TBC1D8: variants seen among roughly 807,000 people sequenced by gnomAD.
TBC1D8 encodes TBC1 domain family member 8, also known as BUB2-like protein 1.
TBC1D8 carries 65 observed loss-of-function variants against 118.8 expected under a neutral mutation model. The ratio of observed to expected loss-of-function variants is 0.55; its 90% CI spans 0.45 to 0.67. The LOEUF is 0.67. Ranked by LOEUF, TBC1D8 falls within the 30% of genes least tolerant of loss-of-function variation. The pLI, the probability that TBC1D8 is intolerant of heterozygous loss-of-function variation, is 0.00. For missense variants in TBC1D8, 1,376 were observed against 1,471.2 expected (o/e 0.94, Z 1.06); for synonymous variants, 566 against 595.8 (o/e 0.95, Z 0.73).
chr2:101,018,384 A>C, intron 17 of TBC1D8: 1 of 157,572 alleles, frequency 6.3e-6, no homozygotes, highest in Non-Finnish European at 1.4e-5. Context: ...GCCAATAATT[A>C]CCCTTAACCA....
At chr2:101,011,288 A>C (rs905134486) in intron 18 of TBC1D8, 163 bp downstream of exon 18, 26 of 764,772 alleles carry the variant, frequency 3.4e-5, no homozygotes, top group African/African-American at 5.3e-5. Flanking sequence ...CAACACCCCC[A>C]CTAGGAGCAC....
intron 1 of TBC1D8, among the ~76,000 whole-genome samples, chr2:101,124,937 A>C (rs1217391897): frequency 6.6e-6 from 1 of 152,204 alleles, no homozygotes; most frequent in Non-Finnish European, 1.5e-5. Context: ...TTACCTTCCC[A>C]TGTGCCTTAG....
At chr2:101,068,770 AGG>A (rs949817153) in intron 2 of TBC1D8, 2 of 230,644 alleles carry the variant, frequency 8.7e-6, no homozygotes, top group African/African-American at 2.3e-5. Flanking sequence ...AGGCCAACGC[AGG>A]GAGATCACCT....
chr2:101,023,093 C>T (rs1476280098), intron 15 of TBC1D8, among the ~76,000 whole-genome samples: 2 of 148,076 alleles, frequency 1.4e-5, no homozygotes, highest in African/African-American at 2.5e-5. Flanking sequence ...TGCAGTGAGC[C>T]GAGATCGCGC....
chr2:101,132,201 A>G (rs1192638397), intron 1 of TBC1D8, among the ~76,000 whole-genome samples: 1 of 152,046 alleles, frequency 6.6e-6, no homozygotes, highest in East Asian at 1.9e-4. Context: ...TTCTTTTTCT[A>G]TTTCTTCCTC....
chr2:101,048,363 C>CA (rs1316229689), intron 5 of TBC1D8, among the ~76,000 whole-genome samples: 1 of 152,138 alleles, frequency 6.6e-6, no homozygotes, highest in Non-Finnish European at 1.5e-5. Flanking sequence ...GAGAGACCAT[C>CA]ATGGGGAGCC....
chr2:101,092,885 T>C (rs1676132712), intron 1 of TBC1D8, among the ~76,000 whole-genome samples: 1 of 152,100 alleles, frequency 6.6e-6, no homozygotes, highest in African/African-American at 2.4e-5. Flanking sequence ...CCAGGAAATA[T>C]ATGTCTGTAC....
chr2:101,040,061 T>TA (rs759605008), intron 6 of TBC1D8, 117 bp downstream of exon 6: 14 of 1,200,828 alleles, frequency 1.2e-5, no homozygotes, highest in Non-Finnish European at 1.7e-5. Context: ...CATCCATCTT[T>TA]AGATGGCAAA....
intron 3 of TBC1D8, among the ~76,000 whole-genome samples, chr2:101,054,844 G>T (rs1187922724): frequency 1.1e-4 from 16 of 150,844 alleles, no homozygotes; most frequent in Non-Finnish European, 1.5e-5. Flanking sequence ...CACCACGCTG[G>T]GCTAATTTTG....
chr2:101,119,210 G>A (rs1452487178), intron 1 of TBC1D8, among the ~76,000 whole-genome samples: 1 of 152,168 alleles, frequency 6.6e-6, no homozygotes, highest in African/African-American at 2.4e-5. Context: ...CATGGGCAAT[G>A]CATGTTTGCC....
chr2:101,127,344 A>G (rs1678398836), intron 1 of TBC1D8, among the ~76,000 whole-genome samples: 2 of 151,610 alleles, frequency 1.3e-5, no homozygotes, highest in African/African-American at 4.8e-5. Flanking sequence ...TCAGAAAAAA[A>G]AAAAAAAGAG....
At chr2:101,013,360 T>C (rs956571688) in intron 17 of TBC1D8, among the ~76,000 whole-genome samples, 3 of 152,230 alleles carry the variant, frequency 2.0e-5, no homozygotes, top group African/African-American at 7.2e-5. Flanking sequence ...ATCCTTTCAA[T>C]CTTTTTACAT....
At chr2:101,124,109 AC>A (rs1678248106) in intron 1 of TBC1D8, among the ~76,000 whole-genome samples, 1 of 152,144 alleles carries the variant, frequency 6.6e-6, no homozygotes, top group Non-Finnish European at 1.5e-5. Flanking sequence ...GAAGCCATAA[AC>A]CCTCTGTCAA....
In TBC1D8 at chr2:101,118,437, C is replaced by T. The variant is rs188182798; in HGVS notation, c.128-28073G>A. ...GGTAGCCGGGCACAGTGGCTCATGC[C>T]TGTAATCCCAGCACTTTGGGAGGCC... is the stretch of plus-strand genomic sequence containing the variant. On this transcript the variant is annotated intron_variant, in intron 1 of 19. Transcript: ENST00000409318. 2.0e-4 allele frequency among the ~76,000 whole-genome samples: 30 copies of T among 152,298 alleles called. No homozygotes were observed. In the East Asian group the frequency reaches 5.4e-3, roughly 27 times the overall value.
intron 14 of TBC1D8, 146 bp from the exon 15 acceptor site, chr2:101,027,597 G>T: frequency 1.5e-6 from 1 of 689,080 alleles, no homozygotes; most frequent in Non-Finnish European, 2.5e-6. Context: ...CTGACATAAA[G>T]ATCACTTCCA....
chr2:101,058,405 C>T (rs562699855), intron 3 of TBC1D8, among the ~76,000 whole-genome samples: 27 of 152,240 alleles, frequency 1.8e-4, no homozygotes, highest in African/African-American at 6.0e-4. Flanking sequence ...CAAACAAAAT[C>T]GAAGGGCTAG....
At chr2:101,076,349 A>G (rs1674818013) in intron 2 of TBC1D8, among the ~76,000 whole-genome samples, 1 of 152,240 alleles carries the variant, frequency 6.6e-6, no homozygotes, top group South Asian at 2.1e-4. Flanking sequence ...GGAGAATGCA[A>G]TGGAAGCTGT....
intron 1 of TBC1D8, among the ~76,000 whole-genome samples, chr2:101,107,512 T>C (rs1022209546): frequency 6.6e-6 from 1 of 152,096 alleles, no homozygotes; most frequent in Non-Finnish European, 1.5e-5. Context: ...CTAATACAGT[T>C]GCATGAAGAA....
intron 2 of TBC1D8, among the ~76,000 whole-genome samples, chr2:101,075,674 T>A (rs539653475): frequency 6.6e-6 from 1 of 152,332 alleles, no homozygotes. Flanking sequence ...TTGCACCTTC[T>A]GCCATGATTG....
Sources: allele counts gnomAD v4.1 joint callset (sites outside exome capture counted in the v4.1 genomes callset), GRCh38; gene constraint gnomAD v4.1.1; transcripts MANE v1.5; gene names NCBI Gene and HGNC (gene_info 2026-07-23, HGNC 2026-07-21).